Variants in ITGA8 observed in about 807,000 individuals in gnomAD.
The protein encoded by ITGA8 is integrin subunit alpha 8.
In ITGA8, 91 loss-of-function variants were observed where a neutral mutation model predicts 142.3. The ratio of observed to expected loss-of-function variants is 0.64; its 90% CI spans 0.54 to 0.76. The LOEUF is 0.76. Ranked by LOEUF, ITGA8 falls within the 30% of genes least tolerant of loss-of-function variation. ITGA8 has a pLI of 0.00. For synonymous variants in ITGA8, 505 were observed against 485.2 expected (o/e 1.04, Z -0.54); for missense variants, 1,406 against 1,327.7 (o/e 1.06, Z -0.92).
At chr10:15,524,084 A>T (rs1159823153) in intron 28 of ITGA8, among the ~76,000 whole-genome samples, 1 of 152,126 alleles carries the variant, frequency 6.6e-6, no homozygotes, top group African/African-American at 2.4e-5. Flanking sequence ...CCTCTGAGTG[A>T]CTCTCCTCCC....
At chr10:15,650,370 G>A (rs1241025038) in intron 11 of ITGA8, among the ~76,000 whole-genome samples, 3 of 152,146 alleles carry the variant, frequency 2.0e-5, no homozygotes, top group Non-Finnish European at 4.4e-5. Flanking sequence ...ATATATTAAT[G>A]GCATTTGGAG....
chr10:15,554,380 T>C (rs1481975020), intron 26 of ITGA8, among the ~76,000 whole-genome samples: 1 of 152,128 alleles, frequency 6.6e-6, no homozygotes, highest in East Asian at 1.9e-4. Context: ...GTACCCTAAG[T>C]CTATGGATTA....
At chr10:15,671,758 C>G (rs1834525124) in intron 7 of ITGA8, 111 bp from the exon 8 acceptor site, 1 of 724,582 alleles carries the variant, frequency 1.4e-6, no homozygotes, top group South Asian at 1.7e-5. Context: ...TTAGAAACCT[C>G]TACAAATATT....
At chr10:15,708,004 C>T (rs997692537) in intron 2 of ITGA8, among the ~76,000 whole-genome samples, 1 of 140,752 alleles carries the variant, frequency 7.1e-6, no homozygotes, top group African/African-American at 2.6e-5. Flanking sequence ...ACACCATTCT[C>T]TGTCCTCTTG....
chr10:15,609,183 C>T (rs1264315883), intron 15 of ITGA8, among the ~76,000 whole-genome samples: 3 of 152,080 alleles, frequency 2.0e-5, no homozygotes, highest in African/African-American at 7.2e-5. Flanking sequence ...TCCCTGGCTG[C>T]CTTTGTTGAA....
At chr10:15,628,578 C>A (rs565835990) in intron 13 of ITGA8, among the ~76,000 whole-genome samples, 2 of 151,750 alleles carry the variant, frequency 1.3e-5, no homozygotes, top group African/African-American at 4.9e-5. Context: ...ATGATCTGCT[C>A]GCCTTGGCCT....
rs750944142 is a variant in ITGA8, at chr10:15,672,660, C to G, written c.766G>C (p.Glu256Gln). Residue 256 changes from glutamate to glutamine, a missense_variant, in exon 7 of 30, where the codon GAA becomes CAA. Glu to Gln is a conservative substitution (Grantham distance 29). Coordinates refer to ENST00000378076, the MANE Select transcript of ITGA8 (RefSeq NM_003638.3). ...LRKLAGEKQT[E>Q]VAPASYDDSY... ...TCATCATAGGAAGCTGGAGCCACTT[C>G]CGTCTGCTTTTCTCCTGCCAGTTTC... The G allele has an allele frequency of 2.0e-5, 33 of 1,613,740 alleles. No homozygotes were observed. The highest frequency in any genetic ancestry group is 2.6e-5 in the Non-Finnish European group (31 of 1,179,842).
intron 27 of ITGA8, among the ~76,000 whole-genome samples, chr10:15,533,104 A>G (rs1471601708): frequency 2.6e-5 from 4 of 152,130 alleles, no homozygotes; most frequent in East Asian, 3.9e-4. Flanking sequence ...CTATAATCCA[A>G]TGTTGGGCCT....
chr10:15,588,067 C>T (rs1832862679), intron 22 of ITGA8, among the ~76,000 whole-genome samples: 1 of 152,098 alleles, frequency 6.6e-6, no homozygotes, highest in South Asian at 2.1e-4. Flanking sequence ...AGAAGGCCTC[C>T]TCTTTTTTCA....
At chr10:15,656,852 C>T (rs1834194698) in intron 10 of ITGA8, among the ~76,000 whole-genome samples, 1 of 152,150 alleles carries the variant, frequency 6.6e-6, no homozygotes, top group African/African-American at 2.4e-5. Context: ...CATGCAATCC[C>T]TTAGAAAGCA....
intron 28 of ITGA8, among the ~76,000 whole-genome samples, chr10:15,530,240 GT>G: frequency 6.6e-6 from 1 of 152,050 alleles, no homozygotes; most frequent in African/African-American, 2.4e-5. Flanking sequence ...ATGTTTAGTA[GT>G]TTCAGTTTTT....
intron 8 of ITGA8, among the ~76,000 whole-genome samples, chr10:15,667,369 C>T (rs1042877105): frequency 1.3e-5 from 2 of 151,954 alleles, no homozygotes; most frequent in Admixed American, 6.6e-5. Context: ...GTGATATCCC[C>T]TTTATCATTT....
At chr10:15,623,288 C>T (rs1291149943) in intron 13 of ITGA8, among the ~76,000 whole-genome samples, 2 of 152,122 alleles carry the variant, frequency 1.3e-5, no homozygotes, top group African/African-American at 2.4e-5. Flanking sequence ...AAAGTTTAAA[C>T]CCAGGCAGTC....
intron 23 of ITGA8, among the ~76,000 whole-genome samples, chr10:15,584,010 A>T (rs747595790): frequency 5.9e-5 from 9 of 152,156 alleles, no homozygotes; most frequent in Non-Finnish European, 1.0e-4. Flanking sequence ...ACTATGTGTA[A>T]AAAAGGCTGG....
intron 8 of ITGA8, among the ~76,000 whole-genome samples, chr10:15,665,581 A>G (rs1304717903): frequency 8.6e-5 from 13 of 151,520 alleles, no homozygotes; most frequent in Non-Finnish European, 1.3e-4. Context: ...TTAGACATGA[A>G]GTCCTTGCCC....
intron 8 of ITGA8, among the ~76,000 whole-genome samples, chr10:15,661,318 G>T (rs553202919): frequency 6.6e-6 from 1 of 152,266 alleles, no homozygotes; most frequent in Admixed American, 6.5e-5. Context: ...AATGCCTGAT[G>T]ATCTGAGGTG....
intron 6 of ITGA8, among the ~76,000 whole-genome samples, chr10:15,673,678 C>T (rs891574539): frequency 3.3e-5 from 5 of 152,174 alleles, no homozygotes; most frequent in African/African-American, 1.2e-4. Context: ...ATTGTAAACT[C>T]TTTGAGCCAT....
At chr10:15,655,182 A>G (rs1789341169) in intron 11 of ITGA8, among the ~76,000 whole-genome samples, 172 bp downstream of exon 11, 1 of 152,252 alleles carries the variant, frequency 6.6e-6, no homozygotes, top group Non-Finnish European at 1.5e-5. Flanking sequence ...AAATCAGATG[A>G]CAGAGAATTA....
At chr10:15,529,265 A>G (rs1057188912) in intron 28 of ITGA8, among the ~76,000 whole-genome samples, 1 of 152,202 alleles carries the variant, frequency 6.6e-6, no homozygotes, top group African/African-American at 2.4e-5. Flanking sequence ...AAGGGGAGAC[A>G]TTTTGAGAGG....
Sources: gnomAD v4.1 joint callset for allele counts (sites outside exome capture counted in the v4.1 genomes callset) on GRCh38, gnomAD v4.1.1 for gene constraint, MANE v1.5 for transcripts, NCBI Gene and HGNC (gene_info 2026-07-23, HGNC 2026-07-21) for gene names.